PRELID3A: variants seen among roughly 807,000 people sequenced by gnomAD.
PRELID3A encodes the protein PRELI domain containing 3A.
A neutral mutation model predicts 23.0 loss-of-function variants in PRELID3A; 27 were observed. The observed-to-expected ratio is 1.17, with a 90% CI of 0.87 to 1.62. The LOEUF (loss-of-function observed/expected upper bound fraction) is 1.62. Ranked by LOEUF, PRELID3A falls within the 40% of genes most tolerant of loss-of-function variation. PRELID3A has a pLI of 0.00. For synonymous variants in PRELID3A, 87 were observed against 86.4 expected, an observed-to-expected ratio of 1.01 and a Z score of -0.04; for missense variants, 231 against 231.4, an observed-to-expected ratio of 1.00 and a Z score of 0.01.
rs1355399217 is a variant in PRELID3A, at chr18:12,417,690, G to A, written c.33-2635G>A. On this transcript the variant is annotated intron_variant, in intron 1 of 6. Transcript: ENST00000440960. ...CTCCTGGGTGACTGGGACCCTTTCT[G>A]CTTCACATGTATCTCTAGATTCACC... Among the ~76,000 whole-genome samples, 4 of 152,136 alleles carry A rather than the reference G, an allele frequency of 2.6e-5. No homozygotes were observed. In the East Asian group the frequency reaches 7.7e-4, roughly 29 times the overall value.
At chr18:12,430,672 A>ATG (rs1377221167) in intron 6 of PRELID3A, among the ~76,000 whole-genome samples, 1 of 42,618 alleles carries the variant, frequency 2.3e-5, no homozygotes, top group African/African-American at 6.5e-5. Flanking sequence ...TGTTTGTATG[A>ATG]TGTGTATGTG....
intron 2 of PRELID3A, chr18:12,421,208 C>A (rs2030170314): frequency 3.5e-6 from 1 of 283,106 alleles, no homozygotes. Context: ...ACCCCCACCC[C>A]AGCACTATGG....
intron 1 of PRELID3A, among the ~76,000 whole-genome samples, chr18:12,409,891 G>A (rs989926663): frequency 1.3e-5 from 2 of 152,102 alleles, no homozygotes; most frequent in Admixed American, 1.3e-4. Flanking sequence ...CATTTTAAGT[G>A]TATAATTCAT....
intron 1 of PRELID3A, 117 bp downstream of exon 1, chr18:12,408,124 G>A (rs1163486908): frequency 9.4e-6 from 9 of 954,962 alleles, no homozygotes; most frequent in Non-Finnish European, 1.2e-5. Context: ...GGAGATCCCC[G>A]CCCCGCGCCG....
At position 12,431,706 on chromosome 18, in the gene PRELID3A, T is replaced by G. The variant is rs2030613975; in HGVS notation, c.*590T>G. ...CTTCTCGGCCCCCAAATGCCTTTCC[T>G]GGAGTGGCTAAGCCTCTCCTGACGA... is the stretch of plus-strand genomic sequence containing the variant. On this transcript the variant is annotated 3_prime_UTR_variant, in exon 7 of 7. Coordinates refer to ENST00000440960, the MANE Select transcript of PRELID3A (RefSeq NM_001142405.2). The G allele has an allele frequency of 6.6e-6, 1 of 152,452 alleles. No homozygotes were observed. The allele number at this position is 152,452 out of a possible 1,614,324, so 9.4% of individuals were successfully genotyped here. A position where few individuals can be genotyped will look rare whatever the true frequency, so the allele number is the denominator to read the frequency against.
At chr18:12,420,565 C>T (rs538409043) in intron 2 of PRELID3A, 72 bp downstream of exon 2, 5 of 1,398,016 alleles carry the variant, frequency 3.6e-6, no homozygotes, top group Non-Finnish European at 4.7e-6. Flanking sequence ...TCTCCCGCGT[C>T]CCTCCTCCCC....
intron 3 of PRELID3A, among the ~76,000 whole-genome samples, chr18:12,424,774 A>G (rs757345349): frequency 2.0e-5 from 3 of 152,244 alleles, no homozygotes; most frequent in Non-Finnish European, 4.4e-5. Context: ...TGAGTTAAAC[A>G]ATGAAGCAAT....
chr18:12,420,623 C>CG (rs1295619677), intron 2 of PRELID3A, 130 bp downstream of exon 2: 5 of 305,922 alleles, frequency 1.6e-5, no homozygotes, highest in African/African-American at 7.9e-5. Flanking sequence ...GGGAGGGCGG[C>CG]GGGGGGCCTT....
chr18:12,423,326 G>T (rs1177704507), intron 3 of PRELID3A, among the ~76,000 whole-genome samples: 2 of 152,324 alleles, frequency 1.3e-5, no homozygotes, highest in East Asian at 1.9e-4. Context: ...TAGCCGGGTT[G>T]TGTGTTGGGA....
chr18:12,421,328 G>T (rs971262817), intron 2 of PRELID3A: 3 of 562,102 alleles, frequency 5.3e-6, no homozygotes, highest in Non-Finnish European at 9.5e-6. Context: ...GCTGCTGCAC[G>T]CTCCACTCTG....
intron 1 of PRELID3A, 47 bp downstream of exon 1, chr18:12,408,054 C>G: frequency 8.1e-7 from 1 of 1,240,714 alleles, no homozygotes. Context: ...GACGCCGGCT[C>G]CTGCTCCCGA....
At chr18:12,409,323 C>T (rs1444776811) in intron 1 of PRELID3A, among the ~76,000 whole-genome samples, 1 of 151,724 alleles carries the variant, frequency 6.6e-6, no homozygotes, top group African/African-American at 2.4e-5. Context: ...TGGGCCATCA[C>T]GCCCGGCTAA....
rs1909772096 is a variant in PRELID3A, at chr18:12,407,956, C to G, written c.-20C>G. 7.7e-7 allele frequency: 1 copy of G among 1,293,856 alleles called. No homozygotes were observed. Among genetic ancestry groups the G allele is most frequent in the African/African-American group, 1.5e-5 (1 of 64,670 alleles). 80.1% of individuals were successfully genotyped at this position (1,293,856 alleles called of 1,614,324 possible). A position where few individuals can be genotyped will look rare whatever the true frequency, so the allele number is the denominator to read the frequency against. On this transcript the variant is annotated 5_prime_UTR_variant, in exon 1 of 7. Coordinates refer to ENST00000440960, the MANE Select transcript of PRELID3A (RefSeq NM_001142405.2). Reference sequence around the variant, plus strand: ...AGCACCCGGCCCGGATCGCAGAGCCCGCGCCCTGCGCCGGCGGCAATGAAG... The same window carrying G: ...AGCACCCGGCCCGGATCGCAGAGCCGGCGCCCTGCGCCGGCGGCAATGAAG...
At chr18:12,411,659 C>T (rs1401202545) in intron 1 of PRELID3A, among the ~76,000 whole-genome samples, 11 of 152,164 alleles carry the variant, frequency 7.2e-5, no homozygotes, top group Admixed American at 3.9e-4. Flanking sequence ...CAGGGCAGGA[C>T]GGGCTTTGGG....
intron 3 of PRELID3A, among the ~76,000 whole-genome samples, chr18:12,423,894 C>T (rs2030274460): frequency 6.6e-6 from 1 of 152,206 alleles, no homozygotes; most frequent in Admixed American, 6.5e-5. Context: ...CTCCTATGAG[C>T]TTCTCAGGTG....
intron 3 of PRELID3A, among the ~76,000 whole-genome samples, chr18:12,423,465 G>C (rs2030256442): frequency 6.6e-6 from 1 of 152,192 alleles, no homozygotes; most frequent in South Asian, 2.1e-4. Flanking sequence ...TGAGACATGG[G>C]GAGTAAGGAA....
intron 6 of PRELID3A, among the ~76,000 whole-genome samples, 152 bp from the exon 7 acceptor site, chr18:12,430,998 G>C (rs2030574945): frequency 6.6e-6 from 1 of 151,666 alleles, no homozygotes; most frequent in African/African-American, 2.4e-5. Context: ...TAATGTGTAT[G>C]TGTGATGTGT....
chr18:12,431,429 A>G lies in PRELID3A; in HGVS notation c.*313A>G, dbSNP rs12605433. 134,870 of 150,594 alleles carry G rather than the reference A, an allele frequency of 0.9. 60,755 individuals are homozygous for G. Among genetic ancestry groups the G allele is most frequent in the South Asian group, 0.95 (4,552 of 4,788 alleles). The allele number at this position is 150,594 out of a possible 1,614,324, so 9.3% of individuals were successfully genotyped here. On this transcript the variant is annotated 3_prime_UTR_variant, in exon 7 of 7. Transcript: ENST00000440960. ...CGGCGCCCATCGTCCTGCCTGCCGC[A>G]GTGGCCCAGCCCCTTCTCTCCCTGC... is the stretch of plus-strand genomic sequence containing the variant.
At position 12,409,313 on chromosome 18, in the gene PRELID3A, TGGGC is replaced by T. The variant is rs1392622745; in HGVS notation, c.32+1307_32+1310del. On this transcript the variant is annotated intron_variant, in intron 1 of 6. Transcript: ENST00000440960. ...TCCTGAGTAGCTGGGACTACAGGTG[TGGGC>T]CATCACGCCCGGCTAATTTTTGTAT... 2.6e-5 allele frequency among the ~76,000 whole-genome samples: 4 copies of T among 151,902 alleles called. No homozygotes were observed. The East Asian group carries it at 7.8e-4, about 29-fold the overall frequency.
Sources: gnomAD v4.1 joint callset for allele counts (sites outside exome capture counted in the v4.1 genomes callset) on GRCh38, gnomAD v4.1.1 for gene constraint, MANE v1.5 for transcripts, NCBI Gene and HGNC (gene_info 2026-07-23, HGNC 2026-07-21) for gene names.